PTPRG: variants seen among roughly 807,000 people sequenced by gnomAD.
PTPRG encodes receptor-type tyrosine-protein phosphatase gamma.
In PTPRG, 102 loss-of-function variants were observed where a neutral mutation model predicts 165.3. The observed-to-expected ratio is 0.62, with a 90% confidence interval of 0.53 to 0.73. The LOEUF (loss-of-function observed/expected upper bound fraction) is 0.73. Ranked by LOEUF, PTPRG falls within the 30% of genes least tolerant of loss-of-function variation. The pLI is 0.00. For synonymous variants in PTPRG, 675 were observed against 669.5 expected, an observed-to-expected ratio of 1.01 and a Z score of -0.13; for missense variants, 1,866 against 1,861.4, an observed-to-expected ratio of 1.00 and a Z score of -0.05.
At chr3:61,924,064 T>C (rs927212580) in intron 2 of PTPRG, among the ~76,000 whole-genome samples, 1 of 152,234 alleles carries the variant, frequency 6.6e-6, no homozygotes, top group Non-Finnish European at 1.5e-5. Context: ...TTTCCCATCG[T>C]TGGATCTCCT....
chr3:61,980,915 T>G (rs1206215726), intron 2 of PTPRG, among the ~76,000 whole-genome samples: 1 of 152,188 alleles, frequency 6.6e-6, no homozygotes, highest in Non-Finnish European at 1.5e-5. Context: ...CCCTACAGGC[T>G]CTGAACAAAA....
intron 16 of PTPRG, among the ~76,000 whole-genome samples, chr3:62,257,602 C>G (rs1003270922): frequency 1.3e-5 from 2 of 152,034 alleles, no homozygotes. Flanking sequence ...GGGTTTAAGA[C>G]CAGGGTATCT....
intron 1 of PTPRG, among the ~76,000 whole-genome samples, chr3:61,684,366 A>C (rs1703552425): frequency 1.3e-5 from 2 of 152,078 alleles, no homozygotes; most frequent in Non-Finnish European, 2.9e-5. Flanking sequence ...TGTTCTTTTG[A>C]GGTGAGCATA....
At chr3:61,685,291 G>C (rs1017925228) in intron 1 of PTPRG, among the ~76,000 whole-genome samples, 1 of 152,212 alleles carries the variant, frequency 6.6e-6, no homozygotes, top group Non-Finnish European at 1.5e-5. Flanking sequence ...ATGCCTTATC[G>C]TGGAGGGCAA....
At chr3:61,655,548 T>C (rs1284248171) in intron 1 of PTPRG, among the ~76,000 whole-genome samples, 2 of 152,180 alleles carry the variant, frequency 1.3e-5, no homozygotes, top group East Asian at 1.9e-4. Flanking sequence ...CTTGAAGATA[T>C]GTATCTTCAA....
chr3:61,948,506 G>T (rs2039819800), intron 2 of PTPRG, among the ~76,000 whole-genome samples: 1 of 152,092 alleles, frequency 6.6e-6, no homozygotes, highest in Admixed American at 6.5e-5. Flanking sequence ...CATTTTTCAT[G>T]CTAGTGTTAT....
intron 4 of PTPRG, among the ~76,000 whole-genome samples, chr3:62,072,833 T>G (rs558194086): frequency 2.6e-5 from 4 of 152,182 alleles, no homozygotes; most frequent in Non-Finnish European, 5.9e-5. Flanking sequence ...CTATTTCAAC[T>G]ATGTTTGGAA....
At chr3:61,699,116 C>T (rs542629999) in intron 1 of PTPRG, among the ~76,000 whole-genome samples, 1 of 152,044 alleles carries the variant, frequency 6.6e-6, no homozygotes, top group Non-Finnish European at 1.5e-5. Context: ...CACATGTATA[C>T]ATATGTAACA....
chr3:62,123,696 A>G (rs1703167969), intron 5 of PTPRG, among the ~76,000 whole-genome samples: 2 of 152,202 alleles, frequency 1.3e-5, no homozygotes, highest in South Asian at 2.1e-4. Flanking sequence ...CTCTGCCACT[A>G]TACAAGAAAA....
chr3:62,168,246 A>G, intron 8 of PTPRG, 83 bp downstream of exon 8: 1 of 1,327,248 alleles, frequency 7.5e-7, no homozygotes, highest in South Asian at 1.5e-5. Flanking sequence ...AAAGCCAGCC[A>G]GGAATTGGGA....
intron 2 of PTPRG, among the ~76,000 whole-genome samples, chr3:61,845,038 G>A (rs683926): frequency 0.17 from 26,106 of 152,172 alleles, 2,310 homozygotes; most frequent in African/African-American, 0.22. Context: ...CAGTTCTTAC[G>A]TGGTTGTTTA....
At chr3:62,073,338 T>C (rs1404336302) in intron 4 of PTPRG, among the ~76,000 whole-genome samples, 1 of 152,196 alleles carries the variant, frequency 6.6e-6, no homozygotes, top group African/African-American at 2.4e-5. Context: ...CAAAATACTT[T>C]TTAATTATGA....
At chr3:61,562,461 G>T in intron 1 of PTPRG, 89 bp downstream of exon 1, 1 of 1,284,244 alleles carries the variant, frequency 7.8e-7, no homozygotes. Context: ...TCCGGCGCCC[G>T]TCCGGGAGAC....
chr3:61,935,316 C>T (rs572063964), intron 2 of PTPRG, among the ~76,000 whole-genome samples: 6 of 152,304 alleles, frequency 3.9e-5, no homozygotes, highest in East Asian at 1.9e-4. Context: ...GGACAGAATA[C>T]GTCCTGCTTC....
chr3:62,133,510 T>C (rs1703593503), intron 6 of PTPRG, among the ~76,000 whole-genome samples: 1 of 152,188 alleles, frequency 6.6e-6, no homozygotes, highest in Admixed American at 6.5e-5. Context: ...TTAACAAACA[T>C]CTTCCCCCTC....
At chr3:61,923,265 G>T (rs959941702) in intron 2 of PTPRG, among the ~76,000 whole-genome samples, 2 of 152,148 alleles carry the variant, frequency 1.3e-5, no homozygotes, top group African/African-American at 4.8e-5. Flanking sequence ...ACCCTGAGCT[G>T]TGTGAAAATA....
At chr3:61,623,291 A>T (rs1349518975) in intron 1 of PTPRG, among the ~76,000 whole-genome samples, 1 of 152,108 alleles carries the variant, frequency 6.6e-6, no homozygotes, top group Non-Finnish European at 1.5e-5. Flanking sequence ...CATTCCCAAG[A>T]CTCAGATCCC....
intron 5 of PTPRG, among the ~76,000 whole-genome samples, chr3:62,096,292 G>A (rs886562): frequency 0.24 from 36,292 of 152,074 alleles, 5,679 homozygotes; most frequent in East Asian, 0.63. Flanking sequence ...CTTCTGGAGG[G>A]TGAAAGCAGG....
At chr3:62,091,139 C>G (rs1701913379) in intron 5 of PTPRG, among the ~76,000 whole-genome samples, 1 of 152,158 alleles carries the variant, frequency 6.6e-6, no homozygotes, top group African/African-American at 2.4e-5. Context: ...CCATTACTTC[C>G]CCATACCATG....
Sources: allele counts gnomAD v4.1 joint callset (sites outside exome capture counted in the v4.1 genomes callset), GRCh38; gene constraint gnomAD v4.1.1; transcripts MANE v1.5; gene names NCBI Gene and HGNC (gene_info 2026-07-23, HGNC 2026-07-21).